The following LIX1 variants were observed in gnomAD, a reference collection of about 807,000 sequenced individuals.
LIX1 encodes the protein limb and CNS expressed 1.
Under a neutral mutation model 33.4 loss-of-function variants are expected in LIX1, and 24 were observed. The ratio of observed to expected loss-of-function variants is 0.72; its 90% CI spans 0.52 to 1.01. LIX1 has a LOEUF of 1.01. Ranked by LOEUF, LIX1 falls within the 50% of genes least tolerant of loss-of-function variation. The probability of loss-of-function intolerance (pLI) is 0.00; values close to 1 mark genes in which losing one functional copy is unlikely to be tolerated. For synonymous variants in LIX1, 124 were observed against 124.0 expected (o/e 1.00, Z 0.00); for missense variants, 311 against 339.2 (o/e 0.92, Z 0.65).
chr5:97,119,623 G>T (rs916619652), intron 2 of LIX1, among the ~76,000 whole-genome samples: 2 of 152,230 alleles, frequency 1.3e-5, no homozygotes, highest in Admixed American at 1.3e-4. Flanking sequence ...GTCCTCCTGA[G>T]AGCCTTAAAA....
chr5:97,094,885 C>T lies in LIX1; in HGVS notation c.712G>A (p.Ala238Thr). Residue 238 changes from alanine to threonine, a missense_variant, in exon 6 of 6, where the codon GCA becomes ACA. Coordinates refer to ENST00000274382, the MANE Select transcript of LIX1 (RefSeq NM_153234.5). ...ALRQLEEARKAGQELRFYKEK... is the reference protein window; with the variant it reads ...ALRQLEEARKTGQELRFYKEK... ...TTGTAAAACCGTAGTTCTTGTCCTG[C>T]TTTCCTGGCTTCCTCCAACTGCCTC... 6.2e-7 allele frequency: 1 copy of T among 1,614,212 alleles called. No individual in the cohort carries two copies. The highest frequency in any genetic ancestry group is 8.5e-7 in the Non-Finnish European group (1 of 1,180,040).
intron 4 of LIX1, 83 bp from the exon 5 acceptor site, chr5:97,096,970 C>T (rs1009562148): frequency 2.0e-6 from 2 of 1,005,906 alleles, no homozygotes. Flanking sequence ...CTCTAATTCC[C>T]AAATATATCA....
At chr5:97,117,156 C>T (rs1747656911) in intron 2 of LIX1, among the ~76,000 whole-genome samples, 1 of 152,168 alleles carries the variant, frequency 6.6e-6, no homozygotes, top group Admixed American at 6.5e-5. Flanking sequence ...TTATAACTAA[C>T]CTTCCCGTCT....
intron 1 of LIX1, among the ~76,000 whole-genome samples, chr5:97,134,119 C>T (rs370352691): frequency 3.9e-5 from 6 of 152,106 alleles, no homozygotes; most frequent in South Asian, 2.1e-4. Flanking sequence ...AAGATGATTA[C>T]CATATATATA....
At chr5:97,120,203 C>A (rs1237987816) in intron 2 of LIX1, among the ~76,000 whole-genome samples, 1 of 152,176 alleles carries the variant, frequency 6.6e-6, no homozygotes. Flanking sequence ...CACTATCTTG[C>A]AGATTTAGGT....
At chr5:97,127,435 T>C (rs772407850) in intron 1 of LIX1, among the ~76,000 whole-genome samples, 3 of 152,202 alleles carry the variant, frequency 2.0e-5, no homozygotes, top group Non-Finnish European at 4.4e-5. Flanking sequence ...GATGATCCCA[T>C]AGATGTCATC....
At chr5:97,121,173 CAGAT>C (rs987670186) in intron 2 of LIX1, among the ~76,000 whole-genome samples, 1 of 152,116 alleles carries the variant, frequency 6.6e-6, no homozygotes, top group Non-Finnish European at 1.5e-5. Context: ...ATTTTAAAAA[CAGAT>C]AGTGTACATA....
chr5:97,106,337 G>T (rs1281954916), intron 3 of LIX1, among the ~76,000 whole-genome samples: 1 of 152,162 alleles, frequency 6.6e-6, no homozygotes, highest in African/African-American at 2.4e-5. Flanking sequence ...GCATCTCCCA[G>T]CCAAGTCAAT....
At chr5:97,103,051 A>T in intron 4 of LIX1, 1 of 454,518 alleles carries the variant, frequency 2.2e-6, no homozygotes, top group South Asian at 1.6e-5. Flanking sequence ...CTCAGAATGG[A>T]CAAGCTCACA....
rs1479278379 is a variant in LIX1 at position 97,096,662 on chromosome 5, A to T, written c.561+148T>A. 6 of 625,648 alleles carry T rather than the reference A, an allele frequency of 9.6e-6. No individual in the cohort carries two copies. In the East Asian group the frequency reaches 1.4e-4, roughly 15 times the overall value. The allele number at this position is 625,648 out of a possible 1,614,324, so 38.8% of individuals were successfully genotyped here. ...CCCTGACTCAATGGGGCTGTTCTAT[A>T]TATTTCTTTGTGTGTCCTCTGCTCT... On this transcript the variant is annotated intron_variant, in intron 5 of 5. Transcript: ENST00000274382.
rs1748317357 is a variant in LIX1 at position 97,142,600 on chromosome 5, C to T, written c.-24G>A. ...ATCTTGGGTCTGCCTGTGTGAGCCT[C>T]CTGTACAGAGTGTCCTCATGCCTGA... On this transcript the variant is annotated 5_prime_UTR_variant, in exon 1 of 6. Coordinates refer to ENST00000274382, the MANE Select transcript of LIX1 (RefSeq NM_153234.5). The T allele has an allele frequency of 6.3e-7, 1 of 1,589,624 alleles. No homozygotes were observed. Among genetic ancestry groups the T allele is most frequent in the Non-Finnish European group, 8.6e-7 (1 of 1,157,988 alleles).
At chr5:97,134,420 G>A (rs949526117) in intron 1 of LIX1, among the ~76,000 whole-genome samples, 3 of 152,000 alleles carry the variant, frequency 2.0e-5, no homozygotes, top group Admixed American at 6.6e-5. Flanking sequence ...GTGCCCGGCA[G>A]CCATATTTCT....
Position 97,103,779 on chromosome 5 carries a change from C to T in LIX1, c.483+1411G>A, listed in dbSNP as rs556375280. 1.3e-4 allele frequency among the ~76,000 whole-genome samples: 20 copies of T among 152,166 alleles called. No individual in the cohort carries two copies. In the South Asian group the frequency reaches 4.2e-3, roughly 32 times the overall value. ...AGGAGATGGAGACCATCCTGGCTAA[C>T]ACGGTGAAATCCCGTCTCTACTAAA... is the stretch of plus-strand genomic sequence containing the variant. On this transcript the variant is annotated intron_variant, in intron 4 of 5. Coordinates refer to ENST00000274382, the MANE Select transcript of LIX1 (RefSeq NM_153234.5).
intron 2 of LIX1, among the ~76,000 whole-genome samples, chr5:97,118,845 T>C (rs577034394): frequency 6.6e-6 from 1 of 151,460 alleles, no homozygotes; most frequent in African/African-American, 2.4e-5. Context: ...CTCTCTCTCT[T>C]TCATTCTCTC....
At chr5:97,133,213 A>G (rs1748098539) in intron 1 of LIX1, among the ~76,000 whole-genome samples, 1 of 152,178 alleles carries the variant, frequency 6.6e-6, no homozygotes, top group South Asian at 2.1e-4. Context: ...CTTTTTATCA[A>G]CAGACAGGAA....
chr5:97,096,773 A>G (rs753357631), intron 5 of LIX1, 37 bp downstream of exon 5: 31 of 1,453,072 alleles, frequency 2.1e-5, no homozygotes, highest in Non-Finnish European at 2.6e-5. Flanking sequence ...TGCTGAGTTC[A>G]TATAACACAG....
chr5:97,103,775 CT>C (rs1746850617), intron 4 of LIX1, among the ~76,000 whole-genome samples: 1 of 152,048 alleles, frequency 6.6e-6, no homozygotes, highest in East Asian at 1.9e-4. Flanking sequence ...ACCATCCTGG[CT>C]AACACGGTGA....
intron 2 of LIX1, among the ~76,000 whole-genome samples, chr5:97,123,229 A>G (rs187204764): frequency 6.6e-6 from 1 of 152,316 alleles, no homozygotes; most frequent in East Asian, 1.9e-4. Context: ...TTAGAAATGT[A>G]GAAGTTCAAC....
Position 97,115,690 on chromosome 5 carries a change from C to T in LIX1, c.247-8190G>A, listed in dbSNP as rs549292836. Reference sequence around the variant, plus strand: ...TAAAATGTATAAAACACATTTTAGGCACCTTTTCACTGGTGCCTCCCAATG... The same window carrying T: ...TAAAATGTATAAAACACATTTTAGGTACCTTTTCACTGGTGCCTCCCAATG... On this transcript the variant is annotated intron_variant, in intron 2 of 5. Transcript: ENST00000274382. Among the ~76,000 whole-genome samples, 39 of 151,406 alleles carry T rather than the reference C, an allele frequency of 2.6e-4. 2 individuals are homozygous for T. The South Asian group carries it at 5.8e-3, about 23-fold the overall frequency.
Sources: gnomAD v4.1 joint callset for allele counts (sites outside exome capture counted in the v4.1 genomes callset) on GRCh38, gnomAD v4.1.1 for gene constraint, MANE v1.5 for transcripts, NCBI Gene and HGNC (gene_info 2026-07-23, HGNC 2026-07-21) for gene names.